Variants in SPTBN1 observed in about 807,000 individuals in gnomAD.
SPTBN1 encodes the protein spectrin beta chain, non-erythrocytic 1.
SPTBN1 carries 32 observed loss-of-function variants against 266.4 expected under a neutral mutation model. That is an observed-to-expected ratio of 0.12 (90% CI 0.09 to 0.16). The LOEUF (loss-of-function observed/expected upper bound fraction) is 0.16. Among genes scored for constraint, SPTBN1 ranks in the 10% least tolerant of loss-of-function variants. SPTBN1 has a pLI of 1.00. For missense variants in SPTBN1, 2,296 were observed against 3,067.1 expected (o/e 0.75, Z 5.94); for synonymous variants, 1,336 against 1,162.2 (o/e 1.15, Z -3.04).
chr2:54,555,968 A>G (rs557672088), intron 2 of SPTBN1, among the ~76,000 whole-genome samples: 1 of 152,218 alleles, frequency 6.6e-6, no homozygotes, highest in Non-Finnish European at 1.5e-5. Flanking sequence ...CCCTTACTAT[A>G]TTCTTTTGGT....
chr2:54,505,118 C>T (rs990183634), intron 1 of SPTBN1, among the ~76,000 whole-genome samples: 4 of 152,222 alleles, frequency 2.6e-5, no homozygotes, highest in African/African-American at 9.7e-5. Context: ...TTCTGAGCCT[C>T]ATTGAAGAGA....
At chr2:54,486,124 C>A (rs1399796130) in intron 1 of SPTBN1, among the ~76,000 whole-genome samples, 1 of 147,734 alleles carries the variant, frequency 6.8e-6, no homozygotes, top group South Asian at 2.2e-4. Flanking sequence ...GCCCGGCCAG[C>A]CGCCCCGTCT....
rs71408769 is a variant in SPTBN1, at chr2:54,571,546, TACACAC to T, written c.149-27522_149-27517del. ...CCTATTACTGTTCCCTAATTGTATG[TACACAC>T]ACACACACACACACACACACACATA... On this transcript the variant is annotated intron_variant, in intron 2 of 35. Coordinates refer to ENST00000356805, the MANE Select transcript of SPTBN1 (RefSeq NM_003128.3). Among the ~76,000 whole-genome samples the T allele has an allele frequency of 3.8e-3, 510 of 134,516 alleles. 2 individuals are homozygous for T. The highest frequency in any genetic ancestry group is 0.01 in the South Asian group (46 of 4,432). The allele number at this position is 134,516 out of a possible 152,430, so 88.2% of individuals were successfully genotyped here.
intron 32 of SPTBN1, chr2:54,660,824 G>A (rs1158360879): frequency 2.2e-5 from 22 of 985,218 alleles, no homozygotes; most frequent in Middle Eastern, 5.2e-4. Context: ...CCTCTGTCTC[G>A]CTCCCTGTCA....
intron 2 of SPTBN1, among the ~76,000 whole-genome samples, chr2:54,575,556 C>T (rs527333837): frequency 9.5e-4 from 144 of 152,352 alleles, no homozygotes; most frequent in African/African-American, 3.0e-3. Context: ...TGCCTAAGGG[C>T]ATTTAACTTG....
intron 2 of SPTBN1, among the ~76,000 whole-genome samples, chr2:54,574,580 T>C (rs956291562): frequency 2.0e-5 from 3 of 152,158 alleles, no homozygotes; most frequent in Non-Finnish European, 4.4e-5. Context: ...TCACCCAGGG[T>C]CAGAAAGCCC....
chr2:54,649,590 AT>A lies in SPTBN1; in HGVS notation c.5203-22del. The A allele has an allele frequency of 6.3e-7, 1 of 1,599,572 alleles. No homozygotes were observed. On this transcript the variant is annotated intron_variant, in intron 25 of 35. Transcript: ENST00000356805. The surrounding 1 kb of genome is among the most constrained non-coding windows in gnomAD (Gnocchi z 6.7). Reference sequence around the variant, plus strand: ...TACAGAGTTCACAGTGGGCTCTCTGATTTCCTTACCCATCCCCGTTTCAGAT... The same window carrying A: ...TACAGAGTTCACAGTGGGCTCTCTGATTCCTTACCCATCCCCGTTTCAGAT...
chr2:54,631,566 G>A lies in SPTBN1; in HGVS notation c.3519G>A (p.Gln1173=). ...TATCCCAGTCACATGCCTACCAGCA[G>A]TTCCTCAGAGACACGAAGCAAGCCG... ...NLLSQSHAYQ[Q]FLRDTKQAEA... is the part of the protein sequence containing the mutation. The change falls in exon 16 of 36, where the codon CAG becomes CAA. Residue 1173 remains glutamine, a synonymous_variant. Coordinates refer to ENST00000356805, the MANE Select transcript of SPTBN1 (RefSeq NM_003128.3). 1.9e-6 allele frequency: 3 copies of A among 1,614,024 alleles called. No individual in the cohort carries two copies. The highest frequency in any genetic ancestry group is 2.5e-6 in the Non-Finnish European group (3 of 1,180,020).
chr2:54,645,438 T>C lies in SPTBN1; in HGVS notation c.4479T>C (p.Asp1493=), dbSNP rs1409953223. The change falls in exon 21 of 36, where the codon GAT becomes GAC. Residue 1493 remains aspartate, a synonymous_variant. Coordinates refer to ENST00000356805, the MANE Select transcript of SPTBN1 (RefSeq NM_003128.3). This position sits in a 1 kb window ranked among gnomAD's most constrained non-coding sequence, Gnocchi z 4.3. The part of the protein sequence containing the change: ...ASKEIHQFNR[D]VEDEILWVGE... Reference sequence around the variant, plus strand: ...AAGAGATCCATCAGTTCAACAGGGATGTGGAGGACGAGATCGTGAGTCGAC... The same window carrying C: ...AAGAGATCCATCAGTTCAACAGGGACGTGGAGGACGAGATCGTGAGTCGAC... 1.2e-6 allele frequency: 2 copies of C among 1,614,124 alleles called. No individual in the cohort carries two copies. Among genetic ancestry groups the C allele is most frequent in the Admixed American group, 1.7e-5 (1 of 60,018 alleles).
chr2:54,670,520 G>T lies in SPTBN1; in HGVS notation c.*1951G>T, dbSNP rs116695718. On this transcript the variant is annotated 3_prime_UTR_variant, in exon 36 of 36. Transcript: ENST00000356805. ...CACCATCCTCTCCCCTGCTTCCCACGACAGTCCTTTGCCCTTGCCATGCTC... is the reference window on the plus strand; with the variant it reads ...CACCATCCTCTCCCCTGCTTCCCACTACAGTCCTTTGCCCTTGCCATGCTC... 7.6e-6 allele frequency: 3 copies of T among 394,824 alleles called. No homozygotes were observed. Among genetic ancestry groups the T allele is most frequent in the Non-Finnish European group, 1.3e-5 (3 of 224,176 alleles). 24.5% of individuals were successfully genotyped at this position (394,824 alleles called of 1,614,324 possible). A position where few individuals can be genotyped will look rare whatever the true frequency, so the allele number is the denominator to read the frequency against.
intron 2 of SPTBN1, among the ~76,000 whole-genome samples, chr2:54,576,211 C>A (rs1674466561): frequency 6.6e-6 from 1 of 151,894 alleles, no homozygotes; most frequent in African/African-American, 2.4e-5. Context: ...CCTGCCACCA[C>A]TCCCGGCTAA....
At chr2:54,617,227 G>A (rs1359118573) in intron 5 of SPTBN1, among the ~76,000 whole-genome samples, 1 of 152,230 alleles carries the variant, frequency 6.6e-6, no homozygotes, top group East Asian at 1.9e-4. Flanking sequence ...TTGTCCCAAA[G>A]TAACGTGTGA....
At chr2:54,522,839 G>A (rs1297720164) in intron 1 of SPTBN1, among the ~76,000 whole-genome samples, 2 of 152,132 alleles carry the variant, frequency 1.3e-5, no homozygotes, top group Non-Finnish European at 2.9e-5. Context: ...TGCGGTGGAT[G>A]TTGCAGCGCA....
intron 2 of SPTBN1, chr2:54,534,915 G>A (rs770825755): frequency 6.6e-6 from 1 of 152,320 alleles, no homozygotes; most frequent in Non-Finnish European, 1.5e-5. Flanking sequence ...TCCTTCCTCA[G>A]TCACCTCAGA....
intron 2 of SPTBN1, among the ~76,000 whole-genome samples, chr2:54,569,899 TC>T (rs1430311700): frequency 6.6e-6 from 1 of 151,876 alleles, no homozygotes; most frequent in Admixed American, 6.6e-5. Context: ...CCAAACCTGT[TC>T]TGGGTGTGGT....
chr2:54,642,996 T>A lies in SPTBN1; in HGVS notation c.3872T>A (p.Ile1291Asn), dbSNP rs1251810869. 1.9e-6 allele frequency: 3 copies of A among 1,613,408 alleles called. No homozygotes were observed. The highest frequency in any genetic ancestry group is 1.3e-5 in the African/African-American group (1 of 74,914). Reference protein sequence around the residue: ...LQDCQELSLWINEKMLTAQDM... With the variant: ...LQDCQELSLWNNEKMLTAQDM... Reference sequence around the variant, plus strand: ...ATCTTTCTGTAGCTGTCTCTCTGGATCAATGAGAAGATGCTCACAGCCCAG... The same window carrying A: ...ATCTTTCTGTAGCTGTCTCTCTGGAACAATGAGAAGATGCTCACAGCCCAG... The change falls in exon 19 of 36, where the codon ATC becomes AAC. Residue 1291 changes from isoleucine to asparagine, a missense_variant. Transcript: ENST00000356805.
chr2:54,508,485 T>G (rs898682983), intron 1 of SPTBN1, among the ~76,000 whole-genome samples: 1 of 152,108 alleles, frequency 6.6e-6, no homozygotes, highest in Non-Finnish European at 1.5e-5. Flanking sequence ...GATAGATTTT[T>G]GCGATGGAAA....
intron 32 of SPTBN1, chr2:54,661,233 T>C (rs1681021105): frequency 1.2e-5 from 12 of 985,772 alleles, no homozygotes; most frequent in Non-Finnish European, 1.4e-5. Flanking sequence ...CAAAAATCCT[T>C]TTCCTTAGAA....
At chr2:54,615,100 C>G (rs964703205) in intron 4 of SPTBN1, among the ~76,000 whole-genome samples, 3 of 151,066 alleles carry the variant, frequency 2.0e-5, no homozygotes, top group Non-Finnish European at 4.4e-5. Flanking sequence ...TATACAGACT[C>G]AGGCTTCACC....
Sources: allele counts gnomAD v4.1 joint callset (sites outside exome capture counted in the v4.1 genomes callset), GRCh38; gene constraint gnomAD v4.1.1; non-coding constraint Gnocchi (gnomAD v3.1); transcripts MANE v1.5; gene names NCBI Gene and HGNC (gene_info 2026-07-23, HGNC 2026-07-21).